The following CNTN4 variants were observed in gnomAD, a reference collection of about 807,000 sequenced individuals.
CNTN4 encodes the protein contactin 4.
A neutral mutation model predicts 122.5 loss-of-function variants in CNTN4; 77 were observed. That is an observed-to-expected ratio of 0.63 (90% CI 0.52 to 0.76). CNTN4 has a LOEUF of 0.76. Ranked by LOEUF, CNTN4 falls within the 30% of genes least tolerant of loss-of-function variation. CNTN4 has a pLI of 0.00. For synonymous variants in CNTN4, 512 were observed against 447.0 expected (o/e 1.15, Z -1.83); for missense variants, 1,256 against 1,259.1 (o/e 1.00, Z 0.04).
intron 2 of CNTN4, among the ~76,000 whole-genome samples, chr3:2,272,997 A>G (rs915621864): frequency 1.3e-5 from 2 of 152,150 alleles, no homozygotes; most frequent in Admixed American, 6.6e-5. Context: ...CATGGGAATT[A>G]TCTTCAAAAA....
intron 6 of CNTN4, among the ~76,000 whole-genome samples, chr3:2,805,632 C>T (rs112071156): frequency 0.025 from 3,774 of 152,184 alleles, 157 homozygotes; most frequent in African/African-American, 0.086. Flanking sequence ...TGTACCTTGG[C>T]ACTGTCTGTG....
chr3:2,394,800 T>TG lies in CNTN4; in HGVS notation c.-89+55567_-89+55568insG, dbSNP rs1327054500. On this transcript the variant is annotated intron_variant, in intron 3 of 24. Transcript: ENST00000418658. ...CTTATATTAGTTTTTTTTTTTTTTT[T>TG]TTTTTTGAGACAATCTCGCTCTGTC... 9.4e-5 allele frequency among the ~76,000 whole-genome samples: 14 copies of TG among 148,242 alleles called. No individual in the cohort carries two copies. In the East Asian group the frequency reaches 2.6e-3, roughly 27 times the overall value.
chr3:2,224,747 T>C (rs1302136408), intron 2 of CNTN4, among the ~76,000 whole-genome samples: 1 of 152,198 alleles, frequency 6.6e-6, no homozygotes, highest in Non-Finnish European at 1.5e-5. Flanking sequence ...GTACATCCTG[T>C]CAGCTCAATA....
intron 2 of CNTN4, among the ~76,000 whole-genome samples, chr3:2,264,700 T>G (rs994866422): frequency 6.6e-6 from 1 of 152,058 alleles, no homozygotes; most frequent in Admixed American, 6.6e-5. Flanking sequence ...CCCAAAAATC[T>G]TTTTTGAGAC....
At chr3:2,781,355 GA>G (rs1442831640) in intron 6 of CNTN4, among the ~76,000 whole-genome samples, 1 of 152,116 alleles carries the variant, frequency 6.6e-6, no homozygotes, top group Non-Finnish European at 1.5e-5. Context: ...TAAAAAATGG[GA>G]AAAAGAGCAA....
At chr3:2,932,820 A>G (rs546678916) in intron 13 of CNTN4, among the ~76,000 whole-genome samples, 2 of 151,472 alleles carry the variant, frequency 1.3e-5, no homozygotes, top group Non-Finnish European at 2.9e-5. Flanking sequence ...TTATTTATTT[A>G]TTTATTTATT....
At chr3:2,848,120 A>G (rs138697324) in intron 7 of CNTN4, among the ~76,000 whole-genome samples, 163 of 152,240 alleles carry the variant, frequency 1.1e-3, no homozygotes, top group African/African-American at 3.7e-3. Context: ...GCATAGTGGC[A>G]TACACCTGTA....
At chr3:3,043,755 C>G in intron 23 of CNTN4, 51 bp downstream of exon 23, 1 of 1,114,036 alleles carries the variant, frequency 9.0e-7, no homozygotes, top group Non-Finnish European at 1.4e-6. Context: ...TGAGTGGGGG[C>G]AGTCTCCTCC....
At chr3:2,100,422 T>A (rs1018016373) in intron 1 of CNTN4, 136 bp from the exon 2 acceptor site, 5 of 152,218 alleles carry the variant, frequency 3.3e-5, no homozygotes, top group Non-Finnish European at 1.5e-5. Flanking sequence ...TTTTTGAGAT[T>A]TCTGGTTTAT....
chr3:2,842,525 A>G (rs906044870), intron 7 of CNTN4, among the ~76,000 whole-genome samples: 2 of 152,182 alleles, frequency 1.3e-5, no homozygotes, highest in Non-Finnish European at 2.9e-5. Context: ...TAAACTAGTA[A>G]GAAACTCCCA....
At chr3:2,112,903 T>G (rs768990216) in intron 2 of CNTN4, among the ~76,000 whole-genome samples, 4 of 152,168 alleles carry the variant, frequency 2.6e-5, no homozygotes, top group Non-Finnish European at 5.9e-5. Flanking sequence ...GACTACAGGC[T>G]TCTAGTCATT....
intron 6 of CNTN4, among the ~76,000 whole-genome samples, chr3:2,779,775 G>A (rs150117040): frequency 2.7e-3 from 407 of 152,286 alleles, no homozygotes; most frequent in African/African-American, 9.4e-3. Flanking sequence ...ACAATAAGTG[G>A]TGGTGGTGAT....
intron 4 of CNTN4, among the ~76,000 whole-genome samples, chr3:2,645,373 C>A (rs1263859679): frequency 6.6e-6 from 1 of 152,168 alleles, no homozygotes; most frequent in Non-Finnish European, 1.5e-5. Context: ...TCTGCACTTA[C>A]AATATAGCTT....
At chr3:2,835,014 C>T (rs753757012) in intron 7 of CNTN4, among the ~76,000 whole-genome samples, 20 of 147,352 alleles carry the variant, frequency 1.4e-4, no homozygotes, top group Non-Finnish European at 2.8e-4. Flanking sequence ...ACACCATTCT[C>T]CTGCTTCAGC....
chr3:2,591,226 A>G (rs560676582), intron 4 of CNTN4, among the ~76,000 whole-genome samples: 11 of 152,332 alleles, frequency 7.2e-5, no homozygotes, highest in Admixed American at 4.6e-4. Context: ...CAGATGTTCA[A>G]TAAATTTTTG....
chr3:2,791,671 G>T lies in CNTN4; in HGVS notation c.359-27815G>T, dbSNP rs1157167869. 3.3e-5 allele frequency among the ~76,000 whole-genome samples: 5 copies of T among 152,256 alleles called. No homozygotes were observed. In the East Asian group the frequency reaches 7.7e-4, roughly 24 times the overall value. On this transcript the variant is annotated intron_variant, in intron 6 of 24. Transcript: ENST00000418658. ...TACTGTAATAAATTGACCTACATTT[G>T]GTGACTTGAAACAAAAGAAATGTGT...
chr3:2,831,158 C>T (rs2093096529), intron 7 of CNTN4, among the ~76,000 whole-genome samples: 1 of 152,142 alleles, frequency 6.6e-6, no homozygotes, highest in South Asian at 2.1e-4. Context: ...AGTTCAGTTT[C>T]ACACACAAAG....
At chr3:2,626,201 G>GT (rs2082178341) in intron 4 of CNTN4, among the ~76,000 whole-genome samples, 1 of 152,074 alleles carries the variant, frequency 6.6e-6, no homozygotes, top group African/African-American at 2.4e-5. Flanking sequence ...AGCCCATTAA[G>GT]TTTTTTCTTT....
At chr3:2,110,479 G>A (rs2032856297) in intron 2 of CNTN4, 1 of 152,138 alleles carries the variant, frequency 6.6e-6, no homozygotes, top group African/African-American at 2.4e-5. Flanking sequence ...GTGACACTGG[G>A]GGATGCAACA....
Sources: allele counts gnomAD v4.1 joint callset (sites outside exome capture counted in the v4.1 genomes callset), GRCh38; gene constraint gnomAD v4.1.1; transcripts MANE v1.5; gene names NCBI Gene and HGNC (gene_info 2026-07-23, HGNC 2026-07-21).